Variants in L3MBTL4 observed in about 807,000 individuals in gnomAD.
The protein encoded by L3MBTL4 is lethal(3)malignant brain tumor-like protein 4.
In L3MBTL4, 70 loss-of-function variants were observed where a neutral mutation model predicts 84.5. That is an observed-to-expected ratio of 0.83 (90% CI 0.68 to 1.01). The LOEUF (loss-of-function observed/expected upper bound fraction) is 1.01. Ranked by LOEUF, L3MBTL4 falls within the 50% of genes least tolerant of loss-of-function variation. The pLI, the probability that L3MBTL4 is intolerant of heterozygous loss-of-function variation, is 0.00. For synonymous variants in L3MBTL4, 274 were observed against 259.8 expected (o/e 1.05, Z -0.52); for missense variants, 715 against 754.8 (o/e 0.95, Z 0.62).
At chr18:6,271,510 G>A (rs1296943907) in intron 4 of L3MBTL4, among the ~76,000 whole-genome samples, 1 of 152,236 alleles carries the variant, frequency 6.6e-6, no homozygotes, top group Non-Finnish European at 1.5e-5. Context: ...GGGCCGAAAA[G>A]GTGGAGGGAC....
chr18:6,152,112 T>A (rs2042923101), intron 13 of L3MBTL4, among the ~76,000 whole-genome samples: 1 of 152,210 alleles, frequency 6.6e-6, no homozygotes, highest in Non-Finnish European at 1.5e-5. Context: ...ATACCGTATG[T>A]TCTTTATCCA....
intron 1 of L3MBTL4, among the ~76,000 whole-genome samples, chr18:6,340,284 G>A (rs2049692915): frequency 6.6e-6 from 1 of 152,136 alleles, no homozygotes. Context: ...CCAGAGTCTA[G>A]CTAAGTTTCT....
intron 16 of L3MBTL4, among the ~76,000 whole-genome samples, chr18:5,995,350 GC>G (rs2053908065): frequency 6.6e-6 from 1 of 152,250 alleles, no homozygotes; most frequent in Non-Finnish European, 1.5e-5. Context: ...GCCCTGTGAA[GC>G]CATGCCGGGG....
intron 5 of L3MBTL4, among the ~76,000 whole-genome samples, chr18:6,257,882 G>A (rs1039492472): frequency 6.6e-6 from 1 of 152,064 alleles, no homozygotes; most frequent in African/African-American, 2.4e-5. Flanking sequence ...CCAACCTCAG[G>A]TGATCCACCC....
chr18:5,969,670 A>T, intron 16 of L3MBTL4, 108 bp from the exon 17 acceptor site: 1 of 1,037,670 alleles, frequency 9.6e-7, no homozygotes, highest in East Asian at 2.6e-5. Flanking sequence ...AAGTGCAGAC[A>T]CCACCAGAAC....
intron 4 of L3MBTL4, among the ~76,000 whole-genome samples, chr18:6,269,832 T>G (rs533098917): frequency 6.6e-6 from 1 of 152,330 alleles, no homozygotes; most frequent in South Asian, 2.1e-4. Context: ...GCTGACAGAT[T>G]TGGCCACAAG....
intron 1 of L3MBTL4, among the ~76,000 whole-genome samples, chr18:6,354,164 C>G (rs949254586): frequency 6.6e-6 from 1 of 152,038 alleles, no homozygotes; most frequent in African/African-American, 2.4e-5. Flanking sequence ...ACAAAGGTCC[C>G]AAGAACACAC....
intron 1 of L3MBTL4, among the ~76,000 whole-genome samples, chr18:6,326,218 G>C (rs1599648673): frequency 6.6e-6 from 1 of 152,176 alleles, no homozygotes; most frequent in African/African-American, 2.4e-5. Context: ...TCACAAGAAA[G>C]ATAAACTGAC....
At chr18:6,370,110 TG>T (rs1308884372) in intron 1 of L3MBTL4, among the ~76,000 whole-genome samples, 2 of 136,522 alleles carry the variant, frequency 1.5e-5, no homozygotes, top group African/African-American at 5.7e-5. Flanking sequence ...CTCCAGCCTG[TG>T]TGACAGAGTG....
chr18:6,384,259 G>GCA (rs752883010), intron 1 of L3MBTL4, among the ~76,000 whole-genome samples: 3 of 151,834 alleles, frequency 2.0e-5, no homozygotes, highest in East Asian at 1.9e-4. Flanking sequence ...AGAGGATTAT[G>GCA]CACACACACA....
chr18:6,113,333 CTG>C (rs1286332378), intron 14 of L3MBTL4, among the ~76,000 whole-genome samples: 1 of 151,790 alleles, frequency 6.6e-6, no homozygotes, highest in Admixed American at 6.6e-5. Context: ...TTTTTAGAAA[CTG>C]TGATATAGAG....
intron 13 of L3MBTL4, among the ~76,000 whole-genome samples, chr18:6,152,902 A>G (rs887371145): frequency 1.3e-5 from 2 of 152,070 alleles, no homozygotes; most frequent in Non-Finnish European, 2.9e-5. Flanking sequence ...TTTCAAGTTA[A>G]TTTTTGTATG....
Position 6,351,423 on chromosome 18 carries a change from A to C in L3MBTL4, c.-90-39367T>G, listed in dbSNP as rs1599741876. ...GAATTGCAGTTTGGGATGACAAAAA[A>C]GTTCTGGAGGTGGATGGTAGTGGTG... is the stretch of plus-strand genomic sequence containing the variant. On this transcript the variant is annotated intron_variant, in intron 1 of 18. Transcript: ENST00000317931. 4.6e-5 allele frequency among the ~76,000 whole-genome samples: 7 copies of C among 152,168 alleles called. No individual in the cohort carries two copies. The South Asian group carries it at 1.4e-3, about 31-fold the overall frequency.
chr18:6,205,634 C>T (rs140914821), intron 12 of L3MBTL4, among the ~76,000 whole-genome samples: 2 of 152,306 alleles, frequency 1.3e-5, no homozygotes, highest in East Asian at 1.9e-4. Context: ...AAAGACAACT[C>T]TCCTTCCCCT....
intron 1 of L3MBTL4, among the ~76,000 whole-genome samples, chr18:6,345,214 A>C (rs11877384): frequency 2.3e-5 from 3 of 131,286 alleles, no homozygotes; most frequent in Admixed American, 7.4e-5. Flanking sequence ...CTACTAAAAT[A>C]CAAAAAAAAA....
intron 14 of L3MBTL4, among the ~76,000 whole-genome samples, chr18:6,124,321 A>G (rs1289315207): frequency 6.6e-6 from 1 of 151,920 alleles, no homozygotes; most frequent in Non-Finnish European, 1.5e-5. Flanking sequence ...GGTCTCGTAC[A>G]AAGGAGGACA....
intron 1 of L3MBTL4, among the ~76,000 whole-genome samples, chr18:6,315,952 C>T (rs968568085): frequency 3.9e-5 from 6 of 152,106 alleles, no homozygotes; most frequent in African/African-American, 1.4e-4. Context: ...GAGAATAGCA[C>T]AGGAAGTCCC....
chr18:6,317,498 GA>G (rs1045889454), intron 1 of L3MBTL4, among the ~76,000 whole-genome samples: 1 of 151,942 alleles, frequency 6.6e-6, no homozygotes, highest in Non-Finnish European at 1.5e-5. Context: ...TCAAGTAGAA[GA>G]AAAAATTTCA....
intron 4 of L3MBTL4, among the ~76,000 whole-genome samples, chr18:6,277,026 A>G (rs2049108832): frequency 6.6e-6 from 1 of 151,690 alleles, no homozygotes; most frequent in Admixed American, 6.6e-5. Context: ...TTTCATTTCT[A>G]GAGTACAAGT....
Sources: gnomAD v4.1 joint callset for allele counts (sites outside exome capture counted in the v4.1 genomes callset) on GRCh38, gnomAD v4.1.1 for gene constraint, MANE v1.5 for transcripts, NCBI Gene and HGNC (gene_info 2026-07-23, HGNC 2026-07-21) for gene names.